AGMO: variants seen among roughly 807,000 people sequenced by gnomAD.
The protein encoded by AGMO is alkylglycerol monooxygenase.
In AGMO, 75 loss-of-function variants were observed where a neutral mutation model predicts 60.2. The observed-to-expected ratio is 1.25, with a 90% confidence interval of 1.03 to 1.51. The LOEUF is 1.51. AGMO is among the 40% of genes most tolerant of loss of function. AGMO has a pLI of 0.00. For missense variants in AGMO, 763 were observed against 525.5 expected (o/e 1.45, Z -4.42); for synonymous variants, 261 against 177.1 (o/e 1.47, Z -3.76).
chr7:15,312,694 T>G (rs1438732387), intron 12 of AGMO, among the ~76,000 whole-genome samples: 1 of 151,806 alleles, frequency 6.6e-6, no homozygotes, highest in African/African-American at 2.4e-5. Context: ...TTTTGTTTTT[T>G]CCCCCCGAGA....
At chr7:15,396,552 C>G (rs371656020) in intron 5 of AGMO, 3 of 152,176 alleles carry the variant, frequency 2.0e-5, no homozygotes, top group Non-Finnish European at 4.4e-5. Context: ...GCTACCACAA[C>G]GAGGAAAAGG....
At chr7:15,316,741 A>G (rs1780937534) in intron 12 of AGMO, among the ~76,000 whole-genome samples, 1 of 152,228 alleles carries the variant, frequency 6.6e-6, no homozygotes, top group South Asian at 2.1e-4. Context: ...CTCACTGTTT[A>G]GCGAAAAATC....
chr7:15,302,949 T>A (rs113644681), intron 12 of AGMO, among the ~76,000 whole-genome samples: 94 of 152,272 alleles, frequency 6.2e-4, no homozygotes, highest in African/African-American at 2.2e-3. Context: ...ATATTTGTAA[T>A]CAGTACAAAA....
At chr7:15,488,715 A>T (rs570742825) in intron 3 of AGMO, among the ~76,000 whole-genome samples, 31 of 152,306 alleles carry the variant, frequency 2.0e-4, no homozygotes, top group Non-Finnish European at 4.1e-4. Flanking sequence ...GGATTATCAC[A>T]AACTATTCCT....
At chr7:15,382,461 C>T (rs1276123234) in intron 10 of AGMO, among the ~76,000 whole-genome samples, 1 of 152,054 alleles carries the variant, frequency 6.6e-6, no homozygotes, top group African/African-American at 2.4e-5. Context: ...TTAGTGTGGG[C>T]ATGTCCTGAA....
At chr7:15,445,471 C>T (rs1781676288) in intron 3 of AGMO, among the ~76,000 whole-genome samples, 1 of 152,086 alleles carries the variant, frequency 6.6e-6, no homozygotes, top group Non-Finnish European at 1.5e-5. Context: ...GCCCATCCCC[C>T]TATATGCTAT....
rs765222435 is a variant in AGMO, at chr7:15,292,751, CTT to C, written c.1263+72761_1263+72762del. ...AATACAGTCTCCTCCTTTTTTTTTC[CTT>C]TTTTTTTTTTTTTTTTTTTTTGAGA... On this transcript the variant is annotated intron_variant, in intron 12 of 12. Transcript: ENST00000342526. Among the ~76,000 whole-genome samples the C allele has an allele frequency of 1.4e-3, 137 of 95,090 alleles. No homozygotes were observed. The East Asian group carries it at 0.034, about 24-fold the overall frequency. 62.4% of individuals were successfully genotyped at this position (95,090 alleles called of 152,430 possible). A position where few individuals can be genotyped will look rare whatever the true frequency, so the allele number is the denominator to read the frequency against.
At chr7:15,370,204 T>C (rs1783148282) in intron 10 of AGMO, among the ~76,000 whole-genome samples, 1 of 152,188 alleles carries the variant, frequency 6.6e-6, no homozygotes, top group South Asian at 2.1e-4. Context: ...GGCCTCCAGC[T>C]GCATTCACGT....
At chr7:15,276,879 G>C (rs1412180343) in intron 12 of AGMO, among the ~76,000 whole-genome samples, 2 of 129,056 alleles carry the variant, frequency 1.5e-5, no homozygotes, top group Non-Finnish European at 3.2e-5. Context: ...CCAGAACTCT[G>C]TGCCATTTTT....
chr7:15,430,937 G>T (rs1781219119), intron 4 of AGMO, 68 bp downstream of exon 4: 7 of 397,076 alleles, frequency 1.8e-5, no homozygotes, highest in East Asian at 4.5e-5. Context: ...TTTTTTTGAG[G>T]AAATAGAAAT....
At chr7:15,362,040 T>C (rs1179426636) in intron 12 of AGMO, among the ~76,000 whole-genome samples, 1 of 152,158 alleles carries the variant, frequency 6.6e-6, no homozygotes, top group Non-Finnish European at 1.5e-5. Flanking sequence ...ATAGTGTCCT[T>C]ATAGTACAAT....
intron 12 of AGMO, among the ~76,000 whole-genome samples, chr7:15,268,514 T>G (rs1207317583): frequency 6.6e-6 from 1 of 152,022 alleles, no homozygotes; most frequent in East Asian, 1.9e-4. Context: ...ATTTATTGTT[T>G]AGTTGTGAAG....
chr7:15,177,666 T>C, the AGMO span, among the ~76,000 whole-genome samples: 11 of 152,234 alleles, frequency 7.2e-5, no homozygotes, highest in Admixed American at 5.9e-4. Flanking sequence ...GTCTTAACTC[T>C]TACTCGGTAG....
At chr7:15,390,249 T>C (rs1001238663) in intron 8 of AGMO, among the ~76,000 whole-genome samples, 4 of 152,118 alleles carry the variant, frequency 2.6e-5, no homozygotes, top group African/African-American at 9.7e-5. Flanking sequence ...TTCCTGACAC[T>C]TGGGTCCAAG....
At chr7:15,493,185 G>A (rs1783114456) in intron 3 of AGMO, among the ~76,000 whole-genome samples, 1 of 151,844 alleles carries the variant, frequency 6.6e-6, no homozygotes, top group South Asian at 2.1e-4. Flanking sequence ...AAAACTTGCA[G>A]ACAAGGTACA....
At chr7:15,479,419 G>T (rs971012679) in intron 3 of AGMO, among the ~76,000 whole-genome samples, 2 of 152,142 alleles carry the variant, frequency 1.3e-5, no homozygotes, top group African/African-American at 4.8e-5. Context: ...GAAGGATTAG[G>T]TCACTCGCCT....
At chr7:15,505,395 A>C (rs1410389307) in intron 3 of AGMO, among the ~76,000 whole-genome samples, 1 of 152,004 alleles carries the variant, frequency 6.6e-6, no homozygotes. Flanking sequence ...TCTGGTTGAA[A>C]TGCAGTCAAC....
At chr7:15,422,492 T>C (rs974631600) in intron 4 of AGMO, among the ~76,000 whole-genome samples, 8 of 152,086 alleles carry the variant, frequency 5.3e-5, no homozygotes, top group African/African-American at 1.9e-4. Context: ...CATGTTCACT[T>C]GTGAGTTCAT....
chr7:15,519,298 T>C (rs1184637500), intron 3 of AGMO, among the ~76,000 whole-genome samples: 6 of 147,668 alleles, frequency 4.1e-5, no homozygotes, highest in Non-Finnish European at 4.5e-5. Flanking sequence ...ATTCAGGAAA[T>C]ACAGAGAACA....
Sources: allele counts gnomAD v4.1 joint callset (sites outside exome capture counted in the v4.1 genomes callset), GRCh38; gene constraint gnomAD v4.1.1; transcripts MANE v1.5; gene names NCBI Gene and HGNC (gene_info 2026-07-23, HGNC 2026-07-21).